SV2C: variants seen among roughly 807,000 people sequenced by gnomAD.
SV2C encodes the protein solute carrier family 22 member B3.
A neutral mutation model predicts 79.7 loss-of-function variants in SV2C; 49 were observed. The ratio of observed to expected loss-of-function variants is 0.61; its 90% CI spans 0.49 to 0.78. The LOEUF (loss-of-function observed/expected upper bound fraction) is 0.78, where lower values mean the gene tolerates loss of function less well. SV2C is among the 30% of genes least tolerant of loss of function. SV2C has a pLI of 0.00. For synonymous variants in SV2C, 334 were observed against 333.2 expected (o/e 1.00, Z -0.03); for missense variants, 833 against 912.9 (o/e 0.91, Z 1.13).
the SV2C span, among the ~76,000 whole-genome samples, chr5:75,991,906 A>G: frequency 6.6e-6 from 1 of 151,762 alleles, no homozygotes; most frequent in Non-Finnish European, 1.5e-5. Context: ...TTTAATTATT[A>G]TAACTTTAAT....
chr5:76,278,762 G>T (rs762256364), intron 4 of SV2C, among the ~76,000 whole-genome samples: 3 of 152,222 alleles, frequency 2.0e-5, no homozygotes, highest in Non-Finnish European at 4.4e-5. Context: ...TAGGTGCCAC[G>T]ATGAGACATT....
chr5:75,957,277 C>G, the SV2C span, among the ~76,000 whole-genome samples: 3 of 152,070 alleles, frequency 2.0e-5, no homozygotes, highest in African/African-American at 7.2e-5. Context: ...ATAAGGGATA[C>G]AGAAATGTTG....
Position 76,333,686 on chromosome 5 carries a change from T to G in SV2C, c.*8139T>G, listed in dbSNP as rs911164828. ...GCTGGTCCTGTTGTGAACTCATCTT[T>G]CCTGTATGCTCCTCTGTGTCTGATT... On this transcript the variant is annotated 3_prime_UTR_variant, in exon 13 of 13. Coordinates refer to ENST00000502798, the MANE Select transcript of SV2C (RefSeq NM_014979.4). 5 of 152,232 alleles carry G rather than the reference T, an allele frequency of 3.3e-5. No individual in the cohort carries two copies. The highest frequency in any genetic ancestry group is 2.0e-4 in the Admixed American group (3 of 15,290). The allele number at this position is 152,232 out of a possible 1,614,324, so 9.4% of individuals were successfully genotyped here.
intron 1 of SV2C, among the ~76,000 whole-genome samples, chr5:76,117,960 T>C (rs1308499270): frequency 2.6e-5 from 4 of 152,206 alleles, no homozygotes; most frequent in Non-Finnish European, 5.9e-5. Flanking sequence ...TTACAACATA[T>C]ATGACCAAAG....
chr5:76,147,098 G>A (rs1445445090), intron 2 of SV2C, among the ~76,000 whole-genome samples: 1 of 152,168 alleles, frequency 6.6e-6, no homozygotes, highest in African/African-American at 2.4e-5. Context: ...GCTAGCTATA[G>A]GTTTGTGGTG....
At chr5:76,232,069 T>TC (rs1745438773) in intron 4 of SV2C, among the ~76,000 whole-genome samples, 1 of 148,380 alleles carries the variant, frequency 6.7e-6, no homozygotes, top group African/African-American at 2.6e-5. Context: ...GTAAAAGTGT[T>TC]CCTATTTCTC....
chr5:75,965,267 A>T, the SV2C span, among the ~76,000 whole-genome samples: 1 of 152,188 alleles, frequency 6.6e-6, no homozygotes, highest in African/African-American at 2.4e-5. Flanking sequence ...TCACAAAGTG[A>T]ACTCATTAAC....
intron 4 of SV2C, among the ~76,000 whole-genome samples, chr5:76,277,838 G>A (rs1192142625): frequency 6.6e-6 from 1 of 152,078 alleles, no homozygotes; most frequent in Non-Finnish European, 1.5e-5. Flanking sequence ...AAACTATAGG[G>A]ACAGACAAGA....
chr5:75,909,892 C>T, the SV2C span, among the ~76,000 whole-genome samples: 5,046 of 152,244 alleles, frequency 0.033, 205 homozygotes, highest in African/African-American at 0.1. Context: ...AACTGAAATA[C>T]CAAGATGTCA....
chr5:75,870,474 T>TA, the SV2C span, among the ~76,000 whole-genome samples: 5 of 146,850 alleles, frequency 3.4e-5, no homozygotes, highest in African/African-American at 9.9e-5. Context: ...GAGACAAAAG[T>TA]AAAAAAAATT....
chr5:75,925,142 A>G, the SV2C span, among the ~76,000 whole-genome samples: 1 of 152,156 alleles, frequency 6.6e-6, no homozygotes, highest in African/African-American at 2.4e-5. Flanking sequence ...TTTACAAAAC[A>G]TGCTCCAAAT....
chr5:76,344,483 C>T (rs910428901), intron 12 of SV2C, among the ~76,000 whole-genome samples: 4 of 152,226 alleles, frequency 2.6e-5, no homozygotes, highest in East Asian at 1.9e-4. Flanking sequence ...CCAAGGCGGG[C>T]GGATCACCGG....
chr5:76,238,065 C>T (rs1193698256), intron 4 of SV2C, among the ~76,000 whole-genome samples: 11 of 67,674 alleles, frequency 1.6e-4, no homozygotes, highest in African/African-American at 3.6e-4. Context: ...CACACACACA[C>T]ATATATATAC....
upstream of SV2C, chr5:76,082,210 G>C (rs536776206): frequency 1.3e-5 from 2 of 152,388 alleles, no homozygotes. Flanking sequence ...AGTCAGGGAC[G>C]TGAGGATGCC....
chr5:75,865,457 G>C, the SV2C span, among the ~76,000 whole-genome samples: 7 of 152,330 alleles, frequency 4.6e-5, no homozygotes, highest in Non-Finnish European at 8.8e-5. Context: ...TGTGGGAATA[G>C]GGTGGAAAAG....
rs978953143 is a variant in SV2C, at chr5:76,285,663, T to C, written c.1048-118T>C. 1.3e-5 allele frequency: 10 copies of C among 781,658 alleles called. No individual in the cohort carries two copies. The Admixed American group carries it at 2.4e-4, about 19-fold the overall frequency. The allele number at this position is 781,658 out of a possible 1,614,324, so 48.4% of individuals were successfully genotyped here. A position where few individuals can be genotyped will look rare whatever the true frequency, so the allele number is the denominator to read the frequency against. On this transcript the variant is annotated intron_variant, in intron 5 of 12. Coordinates refer to ENST00000502798, the MANE Select transcript of SV2C (RefSeq NM_014979.4). ...GTCTGTATGTTCCAATGGGATGTAC[T>C]GAGATACATTTGCACAATTACACCT...
At chr5:75,991,854 T>A in the SV2C span, among the ~76,000 whole-genome samples, 1 of 151,850 alleles carries the variant, frequency 6.6e-6, no homozygotes, top group Non-Finnish European at 1.5e-5. Context: ...CTCTATCATA[T>A]ACTAAATTTG....
At chr5:76,316,087 A>G (rs2972849) in intron 12 of SV2C, among the ~76,000 whole-genome samples, 14,005 of 152,282 alleles carry the variant, frequency 0.092, 699 homozygotes, top group Admixed American at 0.14. Context: ...TTCATTTTAA[A>G]CAAAACATCA....
At chr5:76,178,423 C>T (rs1722208992) in intron 2 of SV2C, among the ~76,000 whole-genome samples, 1 of 151,966 alleles carries the variant, frequency 6.6e-6, no homozygotes, top group Admixed American at 6.6e-5. Flanking sequence ...AATATTGTTC[C>T]CACCATTGAG....
Sources: allele counts gnomAD v4.1 joint callset (sites outside exome capture counted in the v4.1 genomes callset), GRCh38; gene constraint gnomAD v4.1.1; transcripts MANE v1.5; gene names NCBI Gene and HGNC (gene_info 2026-07-23, HGNC 2026-07-21).